Variants in LILRB1 observed in about 807,000 individuals in gnomAD.
LILRB1 encodes leukocyte immunoglobulin like receptor B1.
A neutral mutation model predicts 74.6 loss-of-function variants in LILRB1; 59 were observed. The ratio of observed to expected loss-of-function variants is 0.79; its 90% CI spans 0.64 to 0.98. The LOEUF is 0.98. Among genes scored for constraint, LILRB1 ranks in the 50% least tolerant of loss-of-function variants. The probability of loss-of-function intolerance (pLI) is 0.00; values close to 1 mark genes in which losing one functional copy is unlikely to be tolerated. For synonymous variants in LILRB1, 328 were observed against 333.9 expected (o/e 0.98, Z 0.19); for missense variants, 804 against 822.6 (o/e 0.98, Z 0.28).
chr19:54,618,575 C>T (rs867096640), intron 1 of LILRB1, among the ~76,000 whole-genome samples: 19 of 152,054 alleles, frequency 1.2e-4, no homozygotes, highest in African/African-American at 3.6e-4. Context: ...TTTGGGAGGC[C>T]GAGGCTGGTG....
intron 1 of LILRB1, 107 bp from the exon 2 acceptor site, chr19:54,630,919 G>A: frequency 1.1e-4 from 24 of 222,392 alleles, no homozygotes; most frequent in Non-Finnish European, 1.7e-4. Flanking sequence ...CAAGGGTCCT[G>A]GGGAGGGCAG....
rs2781757 is a variant in LILRB1, at chr19:54,624,395, C to A, written c.-165-6122C>A. Among the ~76,000 whole-genome samples the A allele has an allele frequency of 8.9e-3, 1,306 of 146,516 alleles. 19 individuals carry two copies. Among genetic ancestry groups the A allele is most frequent in the African/African-American group, 0.028 (1,118 of 40,332 alleles). The stretch of plus-strand genomic sequence containing the variant: ...CCCAGGCCACAGTGTGGCTGAGGGC[C>A]GTGGGAAACACCTGCCTTGCCACTC... On this transcript the variant is annotated intron_variant, in intron 1 of 15. Transcript: ENST00000396331.
chr19:54,631,795 G>C lies in LILRB1; in HGVS notation c.358+8G>C. On this transcript the variant is annotated splice_region_variant and intron_variant, in intron 4 of 14. Coordinates refer to ENST00000324602, the MANE Select transcript of LILRB1 (RefSeq NM_001081637.3). ...TGGAGCTGGTGGTGACAGGTGAGCT[G>C]ACACTCAGGGGTCCCAGCCCCAGAC... is the stretch of plus-strand genomic sequence containing the variant. 2 of 1,613,748 alleles carry C rather than the reference G, an allele frequency of 1.2e-6. No homozygotes were observed. The highest frequency in any genetic ancestry group is 1.7e-6 in the Non-Finnish European group (2 of 1,179,700).
intron 1 of LILRB1, among the ~76,000 whole-genome samples, chr19:54,621,226 G>C (rs1204158858): frequency 1.3e-5 from 2 of 148,902 alleles, no homozygotes; most frequent in African/African-American, 2.5e-5. Context: ...CCATGTAATG[G>C]GATTGCTAAG....
chr19:54,618,633 A>G (rs1312927166), intron 1 of LILRB1, among the ~76,000 whole-genome samples: 1 of 152,272 alleles, frequency 6.6e-6, no homozygotes, highest in Non-Finnish European at 1.5e-5. Context: ...CACACAAAAC[A>G]AAATTATAAA....
At chr19:54,635,326 G>A in intron 12 of LILRB1, 30 bp downstream of exon 12, 3 of 1,612,276 alleles carry the variant, frequency 1.9e-6, no homozygotes, top group East Asian at 2.2e-5. Context: ...GACCAGCCAG[G>A]AGGGAGATGG....
Position 54,636,733 on chromosome 19 carries a change from C to G in LILRB1, c.1814C>G (p.Ala605Gly). 1 of 1,584,916 alleles carries G rather than the reference C, an allele frequency of 6.3e-7. No individual in the cohort carries two copies. Among genetic ancestry groups the G allele is most frequent in the Non-Finnish European group, 8.6e-7 (1 of 1,162,910 alleles). The change falls in exon 15 of 15, where the codon GCT (alanine) becomes GGT (glycine). Residue 605 changes from alanine (A) to glycine (G), a missense_variant and splice_region_variant. Physicochemically the swap from Ala to Gly is moderately conservative, Grantham distance 60. Coordinates refer to ENST00000324602, the MANE Select transcript of LILRB1 (RefSeq NM_001081637.3). ...CCCTCTCACTCTCCCCCGCTGCAGG[C>G]TGCTGCATCTGAAGCCCCCCAGGAT... ...AEEDRQMDTE[A>G]AASEAPQDVT... is the part of the protein sequence containing the mutation.
rs1306139566 is a variant in LILRB1 at position 54,635,188 on chromosome 19, G to A, written c.1562+9G>A. The A allele has an allele frequency of 6.9e-6, 11 of 1,598,376 alleles. No homozygotes were observed. The highest frequency in any genetic ancestry group is 9.4e-6 in the Non-Finnish European group (11 of 1,168,624). ...AGAGGCCTGCAGTGGAGGTAATTCT[G>A]CCCGAAGACCCCAGACTCCCACCTG... On this transcript the variant is annotated intron_variant, in intron 11 of 14. Transcript: ENST00000324602.
intron 7 of LILRB1, 111 bp from the exon 8 acceptor site, chr19:54,633,527 G>A: frequency 8.1e-7 from 1 of 1,235,590 alleles, no homozygotes; most frequent in Non-Finnish European, 1.1e-6. Flanking sequence ...GGAGAGGCGG[G>A]TGGAGGGAGG....
intron 1 of LILRB1, among the ~76,000 whole-genome samples, chr19:54,620,399 G>A (rs537794050): frequency 6.6e-6 from 1 of 151,996 alleles, no homozygotes; most frequent in Admixed American, 6.6e-5. Context: ...CTGTTGCCCA[G>A]GCTGGATGGA....
Position 54,634,008 on chromosome 19 carries a change from G to A in LILRB1, c.1350G>A (p.Ser450=), listed in dbSNP as rs371936769. 1.5e-5 allele frequency: 24 copies of A among 1,598,408 alleles called. No individual in the cohort carries two copies. The highest frequency in any genetic ancestry group is 6.7e-5 in the East Asian group (3 of 44,498). ...PEDQPLTPTG[S]DPQSGLGRHL... Reference sequence around the variant, plus strand: ...ACCAGCCCCTCACCCCCACCGGGTCGGATCCCCAGAGTGGTGAGTGACGGG... The same window carrying A: ...ACCAGCCCCTCACCCCCACCGGGTCAGATCCCCAGAGTGGTGAGTGACGGG... Residue 450 remains serine, a synonymous_variant, in exon 9 of 15, where the codon TCG becomes TCA. Transcript: ENST00000324602.
Position 54,631,600 on chromosome 19 carries a change from G to A in LILRB1, c.171G>A (p.Glu57=), listed in dbSNP as rs2063854311. 1.2e-6 allele frequency: 2 copies of A among 1,614,262 alleles called. No homozygotes were observed. Among genetic ancestry groups the A allele is most frequent in the Non-Finnish European group, 1.7e-6 (2 of 1,180,038 alleles). ...GTCAGGGGGGCCAGGAGACCCAGGA[G>A]TACCGTCTATATAGAGAAAAGAAAA... ...LRCQGGQETQ[E]YRLYREKKTA... Residue 57 remains glutamate, a synonymous_variant, in exon 4 of 15, where the codon GAG becomes GAA. Coordinates refer to ENST00000324602, the MANE Select transcript of LILRB1 (RefSeq NM_001081637.3).
At chr19:54,635,943 G>A (rs1323169780) in intron 13 of LILRB1, 2 of 588,738 alleles carry the variant, frequency 3.4e-6, no homozygotes, top group Non-Finnish European at 6.6e-6. Flanking sequence ...TGTTCCCAGG[G>A]AGCTCACTGT....
At chr19:54,616,356 C>T (rs2063314075), upstream of LILRB1, among the ~76,000 whole-genome samples, 1 of 152,174 alleles carries the variant, frequency 6.6e-6, no homozygotes, top group Non-Finnish European at 1.5e-5. Context: ...GTGCTGATCA[C>T]TCATATTTGG....
chr19:54,633,970 G>T lies in LILRB1; in HGVS notation c.1313-1G>T, dbSNP rs757251105. The T allele has an allele frequency of 4.4e-6, 7 of 1,594,466 alleles. No homozygotes were observed. In the South Asian group the frequency reaches 6.8e-5, roughly 16 times the overall value. ...GCCCTCACCTCCCCGTCCTGACCCA[G>T]CAGGCCCTGAGGACCAGCCCCTCAC... On this transcript the variant is annotated splice_acceptor_variant, in intron 8 of 14. Transcript: ENST00000324602. LOFTEE classifies it high-confidence loss of function.
Position 54,632,368 on chromosome 19 carries a change from C to T in LILRB1, c.662-96C>T, listed in dbSNP as rs2063952452. The T allele has an allele frequency of 3.2e-6, 5 of 1,546,678 alleles. No homozygotes were observed. In the South Asian group the frequency reaches 5.0e-5, roughly 16 times the overall value. ...CTCAGGGCTCCTGGGGCCAGAGACA[C>T]AGGAAGATCAGCAGTGATGTGGCCC... On this transcript the variant is annotated intron_variant, in intron 5 of 14. Coordinates refer to ENST00000324602, the MANE Select transcript of LILRB1 (RefSeq NM_001081637.3).
chr19:54,631,247 C>G (rs529858796), intron 2 of LILRB1, 24 bp from the exon 3 acceptor site: 1 of 1,521,236 alleles, frequency 6.6e-7, no homozygotes, highest in South Asian at 1.1e-5. Flanking sequence ...GGGGGCAAAT[C>G]CCTCACCGGG....
Position 54,637,151 on chromosome 19 carries a change from C to T in LILRB1, c.*273C>T, listed in dbSNP as rs986627159. ...CACAATGTAAATATTACACATCAAG[C>T]GATGAAACTGGAAAACTACAAGCCA... On this transcript the variant is annotated 3_prime_UTR_variant, in exon 15 of 15. Transcript: ENST00000324602. The T allele has an allele frequency of 2.9e-5, 12 of 418,814 alleles. 1 individual carries two copies. The highest frequency in any genetic ancestry group is 1.2e-3 in the Middle Eastern group (2 of 1,618). 25.9% of individuals were successfully genotyped at this position (418,814 alleles called of 1,614,324 possible).
chr19:54,619,588 T>G (rs1206540079), intron 1 of LILRB1, among the ~76,000 whole-genome samples: 2 of 152,162 alleles, frequency 1.3e-5, no homozygotes, highest in Non-Finnish European at 2.9e-5. Flanking sequence ...TGAAAGGCCT[T>G]GGATGATAGC....
Sources: allele counts gnomAD v4.1 joint callset (sites outside exome capture counted in the v4.1 genomes callset), GRCh38; gene constraint gnomAD v4.1.1; transcripts MANE v1.5; gene names NCBI Gene and HGNC (gene_info 2026-07-23, HGNC 2026-07-21).